Variants in CD99 observed in about 807,000 individuals in gnomAD.
CD99 encodes CD99 antigen.
CD99 carries 19 observed loss-of-function variants against 28.4 expected under a neutral mutation model. The ratio of observed to expected loss-of-function variants is 0.67; its 90% CI spans 0.47 to 0.98. The LOEUF (loss-of-function observed/expected upper bound fraction) is 0.98. Ranked by LOEUF, CD99 falls within the 50% of genes least tolerant of loss-of-function variation. The pLI is 0.00. For synonymous variants in CD99, 103 were observed against 92.1 expected (o/e 1.12, Z -0.67); for missense variants, 283 against 248.8 (o/e 1.14, Z -0.92).
chrX:2,717,129 C>T (rs1215047966), intron 2 of CD99, among the ~76,000 whole-genome samples: 1 of 152,066 alleles, frequency 6.6e-6, no homozygotes, highest in East Asian at 1.9e-4. Flanking sequence ...GGTGGATCAC[C>T]TGAGGTCAGG....
At position 2,733,850 on chromosome X, in the gene CD99, C is replaced by T. The variant is rs191394352; in HGVS notation, c.476-4350C>T. Among the ~76,000 whole-genome samples the T allele has an allele frequency of 1.7e-3, 263 of 152,318 alleles. 2 individuals carry two copies. Among genetic ancestry groups the T allele is most frequent in the African/African-American group, 5.5e-3 (230 of 41,560 alleles). On this transcript the variant is annotated intron_variant, in intron 8 of 9. Transcript: ENST00000381192. ...TTTTTAAATCTTCAACGTTTTTGGC[C>T]GTTGACTTGCATTTCTCACTGCACT...
At chrX:2,740,252 G>GTA (rs930066395) in intron 9 of CD99, among the ~76,000 whole-genome samples, 17 of 152,212 alleles carry the variant, frequency 1.1e-4, no homozygotes, top group African/African-American at 4.1e-4. Flanking sequence ...CAGTACATTG[G>GTA]TATATGTGTG....
chrX:2,703,961 T>A (rs1046508150), intron 1 of CD99, among the ~76,000 whole-genome samples: 1 of 152,088 alleles, frequency 6.6e-6, no homozygotes, highest in African/African-American at 2.4e-5. Flanking sequence ...CAGCCCTGCC[T>A]TGCTGTTGTC....
intron 8 of CD99, among the ~76,000 whole-genome samples, chrX:2,732,007 G>A (rs1388636030): frequency 1.3e-5 from 2 of 151,838 alleles, no homozygotes; most frequent in Middle Eastern, 3.4e-3. Flanking sequence ...GTGGCTCCCA[G>A]CTAATTTTTT....
intron 8 of CD99, among the ~76,000 whole-genome samples, chrX:2,729,357 A>G (rs1311857619): frequency 6.6e-6 from 1 of 152,200 alleles, no homozygotes; most frequent in Non-Finnish European, 1.5e-5. Context: ...GCTATGAAGA[A>G]CTGCCTAAGA....
chrX:2,719,123 G>A lies in CD99; in HGVS notation c.149-538G>A, dbSNP rs139664407. The A allele has an allele frequency of 3.4e-3, 528 of 154,192 alleles. 2 individuals are homozygous for A. Among genetic ancestry groups the A allele is most frequent in the African/African-American group, 0.012 (487 of 41,570 alleles). The allele number at this position is 154,192 out of a possible 1,614,324, so 9.6% of individuals were successfully genotyped here. A position where few individuals can be genotyped will look rare whatever the true frequency, so the allele number is the denominator to read the frequency against. On this transcript the variant is annotated intron_variant, in intron 3 of 9. Coordinates refer to ENST00000381192, the MANE Select transcript of CD99 (RefSeq NM_002414.5). Reference sequence around the variant, plus strand: ...TTCAAAATCATTCTTCATACTAGAAGACAAGATCTGAGGCCATGGTGAACT... The same window carrying A: ...TTCAAAATCATTCTTCATACTAGAAAACAAGATCTGAGGCCATGGTGAACT...
At chrX:2,691,691 G>T in intron 1 of CD99, 1 of 703,658 alleles carries the variant, frequency 1.4e-6, no homozygotes. Context: ...GCGGCCTTGG[G>T]AGAGGTGCGT....
chrX:2,713,909 A>G (rs2048563638), intron 1 of CD99, among the ~76,000 whole-genome samples: 5 of 152,178 alleles, frequency 3.3e-5, no homozygotes, highest in Admixed American at 3.3e-4. Context: ...AGACTGTAGA[A>G]ACAGGGTAGC....
chrX:2,718,211 G>A (rs1186584747), intron 3 of CD99, among the ~76,000 whole-genome samples: 7 of 151,334 alleles, frequency 4.6e-5, no homozygotes, highest in East Asian at 3.9e-4. Context: ...GATTACAGCG[G>A]TGAGCCACCA....
At chrX:2,698,526 G>A (rs1033772881) in intron 1 of CD99, among the ~76,000 whole-genome samples, 7 of 151,872 alleles carry the variant, frequency 4.6e-5, no homozygotes, top group Non-Finnish European at 1.0e-4. Flanking sequence ...AAGTGCAGTG[G>A]TGTGATCTCA....
At chrX:2,692,891 T>C (rs2047397345) in intron 1 of CD99, among the ~76,000 whole-genome samples, 1 of 152,148 alleles carries the variant, frequency 6.6e-6, no homozygotes, top group Non-Finnish European at 1.5e-5. Context: ...GAATTCAGTT[T>C]CCTGGAGAAC....
chrX:2,716,965 G>A (rs1296936267), intron 2 of CD99, among the ~76,000 whole-genome samples: 1 of 151,838 alleles, frequency 6.6e-6, no homozygotes, highest in African/African-American at 2.4e-5. Context: ...ATAGATCTCG[G>A]GCTCTGAAAA....
intron 8 of CD99, among the ~76,000 whole-genome samples, chrX:2,737,371 T>C (rs1300835029): frequency 4.7e-5 from 7 of 148,114 alleles, no homozygotes; most frequent in Non-Finnish European, 1.0e-4. Flanking sequence ...AGAGACGGGG[T>C]TTCACCATGT....
intron 8 of CD99, 146 bp from the exon 9 acceptor site, chrX:2,738,054 A>C (rs761574980): frequency 6.4e-6 from 5 of 781,816 alleles, no homozygotes; most frequent in African/African-American, 1.7e-5. Flanking sequence ...CCATGTTCCC[A>C]GTGGGTCTCG....
intron 8 of CD99, among the ~76,000 whole-genome samples, chrX:2,735,512 A>G (rs2049887796): frequency 6.6e-6 from 1 of 152,152 alleles, no homozygotes; most frequent in African/African-American, 2.4e-5. Flanking sequence ...TTTTCAATGC[A>G]GTTTTTCCCT....
At chrX:2,736,118 C>T (rs1197123112) in intron 8 of CD99, among the ~76,000 whole-genome samples, 3 of 150,744 alleles carry the variant, frequency 2.0e-5, no homozygotes, top group African/African-American at 4.9e-5. Flanking sequence ...AAGAGAATGG[C>T]GTGAACCCTG....
In CD99 at chrX:2,691,405, G is replaced by A. The variant is rs757357512; in HGVS notation, c.45G>A (p.Leu15=). The A allele has an allele frequency of 3.7e-5, 59 of 1,585,258 alleles. No homozygotes were observed. In the African/African-American group the frequency reaches 7.6e-4, roughly 20 times the overall value. The change falls in exon 1 of 10, where the codon CTG becomes CTA. Residue 15 remains leucine, a synonymous_variant. Transcript: ENST00000381192. ...TGGCGCTGCTGCTCTTCGGCCTGCT[G>A]GGTGTTCTGGTCGCCGCCCCGGGTG... The part of the protein sequence containing the change: ...AALALLLFGL[L]GVLVAAPDGG...
intron 1 of CD99, among the ~76,000 whole-genome samples, chrX:2,700,273 G>T (rs946257824): frequency 1.3e-5 from 2 of 152,158 alleles, no homozygotes; most frequent in African/African-American, 4.8e-5. Context: ...TTGAATCCTG[G>T]TGGTGAACTT....
chrX:2,712,633 T>C (rs745578256), intron 1 of CD99, among the ~76,000 whole-genome samples: 1 of 152,222 alleles, frequency 6.6e-6, no homozygotes, highest in East Asian at 1.9e-4. Context: ...TGTCCTGTTG[T>C]GGAAACAGCC....
Sources: gnomAD v4.1 joint callset for allele counts (sites outside exome capture counted in the v4.1 genomes callset) on GRCh38, gnomAD v4.1.1 for gene constraint, MANE v1.5 for transcripts, NCBI Gene and HGNC (gene_info 2026-07-23, HGNC 2026-07-21) for gene names.